The following DCC variants were observed in gnomAD, a reference collection of about 807,000 sequenced individuals.
The protein encoded by DCC is DCC netrin 1 receptor, also known as netrin receptor DCC.
Under a neutral mutation model 172.5 loss-of-function variants are expected in DCC, and 58 were observed. The observed-to-expected ratio is 0.34, with a 90% CI of 0.27 to 0.42. The LOEUF is 0.42. Among genes scored for constraint, DCC ranks in the 10% least tolerant of loss-of-function variants. DCC has a pLI of 1.00. For missense variants in DCC, 1,740 were observed against 1,791.0 expected (o/e 0.97, Z 0.51); for synonymous variants, 709 against 644.5 (o/e 1.10, Z -1.52).
intron 21 of DCC, among the ~76,000 whole-genome samples, chr18:53,419,875 AC>A (rs996308581): frequency 1.3e-5 from 2 of 151,454 alleles, no homozygotes; most frequent in African/African-American, 4.9e-5. Context: ...ATTTTTTGAC[AC>A]AGAATCTCAC....
intron 5 of DCC, among the ~76,000 whole-genome samples, chr18:52,987,936 T>C (rs748537183): frequency 1.3e-5 from 2 of 152,372 alleles, no homozygotes; most frequent in African/African-American, 4.8e-5. Context: ...CTTATCAATA[T>C]TGCCCAGCAA....
At chr18:52,543,407 T>C (rs1402175169) in intron 1 of DCC, among the ~76,000 whole-genome samples, 1 of 152,186 alleles carries the variant, frequency 6.6e-6, no homozygotes, top group Non-Finnish European at 1.5e-5. Flanking sequence ...CTAGCAACAT[T>C]TCCTCCATAG....
intron 20 of DCC, among the ~76,000 whole-genome samples, chr18:53,413,092 G>C (rs572602343): frequency 1.3e-5 from 2 of 152,222 alleles, no homozygotes; most frequent in African/African-American, 4.8e-5. Context: ...TTTTCCTGCT[G>C]ATAAAGCATG....
intron 1 of DCC, among the ~76,000 whole-genome samples, chr18:52,472,593 A>G (rs1988977961): frequency 6.6e-6 from 1 of 152,220 alleles, no homozygotes; most frequent in South Asian, 2.1e-4. Flanking sequence ...TCTCTCTGTT[A>G]ACATATTTGT....
chr18:52,417,484 T>A (rs1198518178), intron 1 of DCC, among the ~76,000 whole-genome samples: 2 of 152,202 alleles, frequency 1.3e-5, no homozygotes, highest in East Asian at 3.9e-4. Flanking sequence ...CTTGGTTCCA[T>A]TCTCCCCGTC....
At chr18:53,207,947 T>C in intron 11 of DCC, 130 bp downstream of exon 11, 1 of 824,264 alleles carries the variant, frequency 1.2e-6, no homozygotes, top group Non-Finnish European at 2.0e-6. Flanking sequence ...ACTATTACAG[T>C]TAAATGTAAA....
intron 27 of DCC, among the ~76,000 whole-genome samples, chr18:53,510,861 T>C (rs567405644): frequency 3.3e-5 from 5 of 152,308 alleles, no homozygotes; most frequent in African/African-American, 1.2e-4. Context: ...CTCTTCTCCT[T>C]CTCTCTCACT....
At chr18:53,272,752 C>T (rs985524074) in intron 12 of DCC, among the ~76,000 whole-genome samples, 1 of 152,124 alleles carries the variant, frequency 6.6e-6, no homozygotes, top group Non-Finnish European at 1.5e-5. Context: ...GCACCTCTCA[C>T]TGGATTGAGG....
At chr18:52,612,303 C>T (rs999925954) in intron 1 of DCC, among the ~76,000 whole-genome samples, 11 of 152,246 alleles carry the variant, frequency 7.2e-5, no homozygotes, top group South Asian at 6.2e-4. Context: ...ATCTCTCCCC[C>T]CATCCCCTGC....
intron 25 of DCC, among the ~76,000 whole-genome samples, chr18:53,469,084 C>T (rs922832964): frequency 3.9e-5 from 6 of 152,124 alleles, no homozygotes; most frequent in African/African-American, 1.4e-4. Flanking sequence ...TTCTTCAATC[C>T]CACCAGGACC....
chr18:52,793,025 C>T (rs2037806106), intron 2 of DCC, among the ~76,000 whole-genome samples: 1 of 142,072 alleles, frequency 7.0e-6, no homozygotes, highest in Non-Finnish European at 1.6e-5. Context: ...GAGAGAGGAG[C>T]TCTTGTGTGT....
intron 25 of DCC, among the ~76,000 whole-genome samples, chr18:53,486,362 T>A (rs1341441897): frequency 2.0e-5 from 3 of 152,190 alleles, no homozygotes; most frequent in Non-Finnish European, 4.4e-5. Flanking sequence ...CAATACATTC[T>A]TTTACAGAAT....
At chr18:52,945,419 T>C (rs1057420679) in intron 5 of DCC, among the ~76,000 whole-genome samples, 1 of 152,178 alleles carries the variant, frequency 6.6e-6, no homozygotes, top group Admixed American at 6.5e-5. Context: ...ATTTGCATAG[T>C]CGTTAGAGGA....
chr18:52,828,091 T>C (rs748506795), intron 2 of DCC, among the ~76,000 whole-genome samples: 5 of 152,042 alleles, frequency 3.3e-5, no homozygotes, highest in Non-Finnish European at 5.9e-5. Context: ...AATTCCCACA[T>C]GCCCCATGCT....
rs138621701 is a variant in DCC, at chr18:53,066,055, A to C, written c.1150A>C (p.Asn384His). 2.1e-5 allele frequency: 34 copies of C among 1,613,238 alleles called. No homozygotes were observed. In the African/African-American group the frequency reaches 3.3e-4, roughly 16 times the overall value. The change falls in exon 7 of 29, where the codon AAC becomes CAC. Residue 384 changes from asparagine to histidine, a missense_variant. This residue lies in a region of DCC where 1,732 missense variants were observed against 1,767.4 expected (regional missense o/e 0.98). Coordinates refer to ENST00000442544, the MANE Select transcript of DCC (RefSeq NM_005215.4). ...SDYFQIVGGS[N>H]LRILGVVKSD... ...TTTTTCTTTTCCCTAGGGAGGAAGC[A>C]ACTTACGGATACTTGGGGTGGTGAA...
chr18:53,074,113 G>C (rs1386532032), intron 7 of DCC, among the ~76,000 whole-genome samples: 1 of 152,062 alleles, frequency 6.6e-6, no homozygotes, highest in African/African-American at 2.4e-5. Flanking sequence ...TTCTTACTTT[G>C]ATATTAACTA....
chr18:52,620,050 A>G (rs2144857713), intron 1 of DCC, among the ~76,000 whole-genome samples: 1 of 152,330 alleles, frequency 6.6e-6, no homozygotes, highest in South Asian at 2.1e-4. Context: ...CCCCCTCGTA[A>G]TTTATATAAA....
At chr18:53,345,498 T>A (rs73957159) in intron 15 of DCC, among the ~76,000 whole-genome samples, 6,562 of 152,230 alleles carry the variant, frequency 0.043, 456 homozygotes, top group African/African-American at 0.15. Flanking sequence ...CAGTCATGAT[T>A]TTTTTTAAGA....
At chr18:53,042,625 A>C (rs757387649) in intron 5 of DCC, among the ~76,000 whole-genome samples, 1 of 151,918 alleles carries the variant, frequency 6.6e-6, no homozygotes, top group Non-Finnish European at 1.5e-5. Flanking sequence ...AAGAAAAAAA[A>C]ACCCTCTCAA....
Sources: gnomAD v4.1 joint callset for allele counts (sites outside exome capture counted in the v4.1 genomes callset) on GRCh38, gnomAD v4.1.1 for gene constraint, gnomAD v4.1.1 regional missense constraint, MANE v1.5 for transcripts, NCBI Gene and HGNC (gene_info 2026-07-23, HGNC 2026-07-21) for gene names.